Variants in PRR33 observed in about 807,000 individuals in gnomAD.
The protein encoded by PRR33 is proline rich 33.
PRR33 carries 1 observed loss-of-function variant against 0.5 expected under a neutral mutation model. The observed-to-expected ratio is 2.18, with a 90% CI of 0.77 to 10.34. The LOEUF (loss-of-function observed/expected upper bound fraction) is 10.34, where lower values mean the gene tolerates loss of function less well. PRR33 is among the 30% of genes most tolerant of loss of function. The probability of loss-of-function intolerance (pLI) is 0.13; values close to 1 mark genes in which losing one functional copy is unlikely to be tolerated. For missense variants in PRR33, 552 were observed against 251.8 expected, an observed-to-expected ratio of 2.19 and a Z score of -8.07; for synonymous variants, 226 against 110.0, an observed-to-expected ratio of 2.06 and a Z score of -6.60.
At chr11:1,904,286 T>C in the PRR33 span, among the ~76,000 whole-genome samples, 4 of 152,154 alleles carry the variant, frequency 2.6e-5, no homozygotes, top group African/African-American at 9.7e-5. Flanking sequence ...CCCAGCACTT[T>C]GGGAGGCCGA....
At chr11:1,892,671 G>A (rs1346632739), upstream of PRR33, among the ~76,000 whole-genome samples, 2 of 152,208 alleles carry the variant, frequency 1.3e-5, no homozygotes, top group South Asian at 2.1e-4. Context: ...TGGATGGGTA[G>A]GTGGGTGGAC....
exon 1 of PRR33, chr11:1,889,182 T>C (rs1589834906): frequency 1.5e-6 from 1 of 674,792 alleles, no homozygotes. Context: ...GCGGTTGAAG[T>C]TCTTGGGCTG....
the PRR33 span, among the ~76,000 whole-genome samples, chr11:1,915,156 T>G: frequency 6.7e-6 from 1 of 148,628 alleles, no homozygotes; most frequent in East Asian, 2.1e-4. Context: ...TGTGTGTGTG[T>G]GTGTGTGTGT....
chr11:1,889,429 C>T lies in PRR33; in HGVS notation c.1156G>A (p.Ala386Thr), dbSNP rs890846752. 1.2e-5 allele frequency: 8 copies of T among 667,632 alleles called. 1 individual carries two copies. Among genetic ancestry groups the T allele is most frequent in the African/African-American group, 8.9e-5 (5 of 55,904 alleles). The allele number at this position is 667,632 out of a possible 1,614,324, so 41.4% of individuals were successfully genotyped here. The stretch of plus-strand genomic sequence containing the variant: ...GCGGGGGCCCGGGGTGCGGTGAGGG[C>T]GGGCACCTCCTGCTCTGTGGGGGCA... The change falls in exon 1 of 1, where the codon GCC becomes ACC. Residue 386 changes from alanine (A) to threonine (T), a missense_variant. Coordinates refer to ENST00000640310, the Ensembl canonical transcript of PRR33.
At chr11:1,900,019 A>C in the PRR33 span, among the ~76,000 whole-genome samples, 4 of 151,540 alleles carry the variant, frequency 2.6e-5, no homozygotes, top group South Asian at 8.3e-4. Flanking sequence ...AACGGTCACC[A>C]TGTCAAATAT....
exon 1 of PRR33, chr11:1,891,239 C>G (rs184722134): frequency 3.1e-4 from 48 of 152,580 alleles, no homozygotes; most frequent in African/African-American, 1.0e-3. Context: ...CCCGGCCAAG[C>G]CGCCCACCCT....
At chr11:1,895,513 C>T (rs889691363), upstream of PRR33, among the ~76,000 whole-genome samples, 6 of 152,140 alleles carry the variant, frequency 3.9e-5, no homozygotes, top group Admixed American at 6.5e-5. Context: ...GTCCTCTCAC[C>T]GTTAACCATC....
the PRR33 span, among the ~76,000 whole-genome samples, chr11:1,900,080 C>T: frequency 6.6e-6 from 1 of 151,442 alleles, no homozygotes; most frequent in African/African-American, 2.4e-5. Context: ...ATTAATTTGT[C>T]TCTTCCATGA....
chr11:1,912,475 C>T, the PRR33 span, among the ~76,000 whole-genome samples: 1 of 152,324 alleles, frequency 6.6e-6, no homozygotes, highest in South Asian at 2.1e-4. Context: ...ACCACAATGT[C>T]ATCTCTGCAG....
chr11:1,893,004 T>G (rs1211665228), upstream of PRR33, among the ~76,000 whole-genome samples: 20 of 149,778 alleles, frequency 1.3e-4, no homozygotes, highest in African/African-American at 4.7e-4. Context: ...GGTGGGTGGA[T>G]GGATGGATTG....
chr11:1,907,656 C>G, the PRR33 span, among the ~76,000 whole-genome samples: 1 of 152,192 alleles, frequency 6.6e-6, no homozygotes, highest in Non-Finnish European at 1.5e-5. Context: ...TCAGGTGATC[C>G]AACCGCCCCG....
At chr11:1,915,597 GTA>G in the PRR33 span, among the ~76,000 whole-genome samples, 1 of 49,076 alleles carries the variant, frequency 2.0e-5, no homozygotes, top group Non-Finnish European at 3.7e-5. Context: ...GATATTATTT[GTA>G]TGTGTGTGTG....
the PRR33 span, among the ~76,000 whole-genome samples, chr11:1,909,943 A>T: frequency 1.3e-5 from 2 of 152,250 alleles, no homozygotes; most frequent in African/African-American, 4.8e-5. Context: ...ATATTTTAAA[A>T]TATAAAACTA....
At chr11:1,915,521 T>G in the PRR33 span, among the ~76,000 whole-genome samples, 4 of 112,090 alleles carry the variant, frequency 3.6e-5, no homozygotes, top group Non-Finnish European at 5.4e-5. Context: ...GTCACACACC[T>G]GGGATGTTTC....
the PRR33 span, among the ~76,000 whole-genome samples, chr11:1,906,682 C>T: frequency 1.3e-5 from 2 of 152,172 alleles, no homozygotes; most frequent in African/African-American, 4.8e-5. Flanking sequence ...TCTGAGCCCC[C>T]CACCGCTGTG....
the PRR33 span, among the ~76,000 whole-genome samples, chr11:1,908,409 A>T: frequency 7.1e-6 from 1 of 140,114 alleles, no homozygotes; most frequent in African/African-American, 2.7e-5. Context: ...TTTTTGTGAG[A>T]GTCAAACTCC....
chr11:1,915,892 G>A, the PRR33 span, among the ~76,000 whole-genome samples: 14 of 151,360 alleles, frequency 9.2e-5, no homozygotes, highest in Non-Finnish European at 1.3e-4. Flanking sequence ...GTAGATAGAT[G>A]GATAGGTGGG....
exon 1 of PRR33, chr11:1,889,366 G>A (rs770355046): frequency 1.1e-5 from 8 of 709,150 alleles, no homozygotes; most frequent in Non-Finnish European, 1.6e-5. Flanking sequence ...ACTGACATGC[G>A]GTACAGCACG....
the PRR33 span, among the ~76,000 whole-genome samples, chr11:1,915,432 G>A: frequency 6.7e-6 from 1 of 150,118 alleles, no homozygotes; most frequent in Admixed American, 6.6e-5. Flanking sequence ...TCACGCACCT[G>A]GGATGATGTT....
Sources: gnomAD v4.1 joint callset for allele counts (sites outside exome capture counted in the v4.1 genomes callset) on GRCh38, gnomAD v4.1.1 for gene constraint, MANE v1.5 for transcripts, NCBI Gene and HGNC (gene_info 2026-07-23, HGNC 2026-07-21) for gene names.